The following NRDC variants were observed in gnomAD, a reference collection of about 807,000 sequenced individuals.
The protein encoded by NRDC is nardilysin.
In NRDC, 54 loss-of-function variants were observed where a neutral mutation model predicts 147.1. That is an observed-to-expected ratio of 0.37 (90% CI 0.29 to 0.46). The LOEUF is 0.46. NRDC is among the 20% of genes least tolerant of loss of function. The pLI, the probability that NRDC is intolerant of heterozygous loss-of-function variation, is 1.00. For synonymous variants in NRDC, 440 were observed against 482.1 expected, an observed-to-expected ratio of 0.91 and a Z score of 1.14; for missense variants, 1,082 against 1,370.6, an observed-to-expected ratio of 0.79 and a Z score of 3.33.
At chr1:51,864,575 T>C (rs1331993863) in intron 1 of NRDC, among the ~76,000 whole-genome samples, 1 of 152,124 alleles carries the variant, frequency 6.6e-6, no homozygotes, top group Non-Finnish European at 1.5e-5. Flanking sequence ...TTACAGAAAA[T>C]ATTTGGTGAT....
chr1:51,795,029 T>C (rs992999797), intron 22 of NRDC, 175 bp from the exon 23 acceptor site: 1 of 1,475,626 alleles, frequency 6.8e-7, no homozygotes, highest in Non-Finnish European at 9.0e-7. Flanking sequence ...AGATTGATTG[T>C]GTTTGTGGAA....
At chr1:51,792,310 G>C (rs960016013) in intron 25 of NRDC, 67 bp downstream of exon 25, 2 of 1,539,356 alleles carry the variant, frequency 1.3e-6, no homozygotes, top group African/African-American at 2.7e-5. Flanking sequence ...AACCCAGGCA[G>C]AAAAGGCCGG....
intron 2 of NRDC, among the ~76,000 whole-genome samples, chr1:51,839,628 A>G (rs905033683): frequency 2.0e-5 from 3 of 152,190 alleles, no homozygotes; most frequent in East Asian, 3.9e-4. Flanking sequence ...TGGTTGTTAC[A>G]TATTAAATAA....
Position 51,878,718 on chromosome 1 carries a change from G to T in NRDC, c.-103C>A. The stretch of plus-strand genomic sequence containing the variant: ...GCCCTGGTGCTGCCGCAGCCGCGGG[G>T]AACAGGCCTGAACCCCTCCCCCAAC... On this transcript the variant is annotated 5_prime_UTR_variant, in exon 1 of 31. Transcript: ENST00000352171. 1.1e-6 allele frequency: 1 copy of T among 950,414 alleles called. No individual in the cohort carries two copies. The highest frequency in any genetic ancestry group is 1.6e-6 in the Non-Finnish European group (1 of 642,506). The allele number at this position is 950,414 out of a possible 1,614,324, so 58.9% of individuals were successfully genotyped here. A position where few individuals can be genotyped will look rare whatever the true frequency, so the allele number is the denominator to read the frequency against.
In NRDC at chr1:51,789,882, A is replaced by T. The variant is rs1368673495; in HGVS notation, c.3169-225T>A. 6 of 556,742 alleles carry T rather than the reference A, an allele frequency of 1.1e-5. No individual in the cohort carries two copies. The East Asian group carries it at 1.8e-4, about 17-fold the overall frequency. 34.5% of individuals were successfully genotyped at this position (556,742 alleles called of 1,614,324 possible). A position where few individuals can be genotyped will look rare whatever the true frequency, so the allele number is the denominator to read the frequency against. Reference sequence around the variant, plus strand: ...CTACAATGGCAAGAGAGGTTAGCAGATGCTATAATTACAGCTAAATACCAT... The same window carrying T: ...CTACAATGGCAAGAGAGGTTAGCAGTTGCTATAATTACAGCTAAATACCAT... On this transcript the variant is annotated intron_variant, in intron 29 of 30. Transcript: ENST00000352171.
intron 1 of NRDC, among the ~76,000 whole-genome samples, chr1:51,864,818 G>A (rs1448317183): frequency 6.6e-6 from 1 of 151,884 alleles, no homozygotes; most frequent in African/African-American, 2.4e-5. Flanking sequence ...CAGGCGTGGT[G>A]GTGCATGCCT....
chr1:51,834,028 T>G lies in NRDC; in HGVS notation c.855A>C (p.Glu285Asp). 1 of 1,613,882 alleles carries G rather than the reference T, an allele frequency of 6.2e-7. No individual in the cohort carries two copies. Among genetic ancestry groups the G allele is most frequent in the Non-Finnish European group, 8.5e-7 (1 of 1,179,920 alleles). ...TTAGAGTTAGTTACCTATCAAGAGCTTCCTTGAAGTACTTCCTCTGGACAT... is the reference window on the plus strand; with the variant it reads ...TTAGAGTTAGTTACCTATCAAGAGCGTCCTTGAAGTACTTCCTCTGGACAT... ...QFDVQRKYFKEALDRWAQFFI... is the reference protein window; with the variant it reads ...QFDVQRKYFKDALDRWAQFFI... Residue 285 changes from glutamate to aspartate, a missense_variant, in exon 4 of 31, where the codon GAA (glutamate) becomes GAC (aspartate). Glu to Asp is a conservative substitution (Grantham distance 45, BLOSUM62 2). This residue lies in a region of NRDC where 635 missense variants were observed against 923.8 expected (regional missense o/e 0.69). Transcript: ENST00000352171.
rs1557913153 is a variant in NRDC, at chr1:51,824,121, T to TA, written c.1037-336_1037-335insT. On this transcript the variant is annotated intron_variant, in intron 6 of 30. Coordinates refer to ENST00000352171, the MANE Select transcript of NRDC (RefSeq NM_001101662.2). ...TATTTTAATAATATTTTTGCCTAAT[T>TA]CTTTTTTTTTTTTTTTTTTTAAAGA... Among the ~76,000 whole-genome samples the TA allele has an allele frequency of 2.0e-5, 3 of 150,216 alleles. No individual in the cohort carries two copies. In the East Asian group the frequency reaches 5.8e-4, roughly 29 times the overall value.
At chr1:51,857,766 C>G (rs72901934) in intron 1 of NRDC, among the ~76,000 whole-genome samples, 2,316 of 152,218 alleles carry the variant, frequency 0.015, 64 homozygotes, top group African/African-American at 0.053. Flanking sequence ...CAGGCAGAAA[C>G]TAGCAGAAAT....
intron 1 of NRDC, among the ~76,000 whole-genome samples, chr1:51,848,484 A>T (rs114279367): frequency 0.052 from 7,842 of 152,034 alleles, 277 homozygotes; most frequent in Middle Eastern, 0.2. Flanking sequence ...CCGTCTCAAA[A>T]AATAATAATA....
chr1:51,794,951 G>T, intron 22 of NRDC, 97 bp from the exon 23 acceptor site: 1 of 1,582,404 alleles, frequency 6.3e-7, no homozygotes, highest in Non-Finnish European at 8.6e-7. Context: ...GGGGAGCCCT[G>T]CATAGCTTTA....
intron 1 of NRDC, among the ~76,000 whole-genome samples, chr1:51,856,285 C>T (rs1047891919): frequency 3.9e-5 from 6 of 152,218 alleles, no homozygotes; most frequent in South Asian, 2.1e-4. Context: ...GCAATTAATT[C>T]TTCAGTGGAC....
At chr1:51,819,726 T>C (rs1680129338) in intron 9 of NRDC, 74 bp downstream of exon 9, 32 of 1,163,818 alleles carry the variant, frequency 2.7e-5, no homozygotes, top group Non-Finnish European at 3.8e-5. Context: ...TCAATGAAAA[T>C]TGGCAGCTTC....
At chr1:51,793,226 T>C (rs1461317642) in intron 24 of NRDC, among the ~76,000 whole-genome samples, 2 of 152,350 alleles carry the variant, frequency 1.3e-5, no homozygotes, top group East Asian at 3.9e-4. Context: ...AGGTGACTGA[T>C]GGAAAGCATT....
intron 1 of NRDC, among the ~76,000 whole-genome samples, chr1:51,873,891 G>A (rs1683201985): frequency 6.6e-6 from 1 of 151,530 alleles, no homozygotes; most frequent in African/African-American, 2.4e-5. Flanking sequence ...CCCTTCAGAA[G>A]TTTATATGCC....
At chr1:51,789,956 T>C in intron 29 of NRDC, 1 of 383,172 alleles carries the variant, frequency 2.6e-6, no homozygotes, top group Non-Finnish European at 4.8e-6. Context: ...CCCAATTACA[T>C]GGTAGCTGCA....
intron 5 of NRDC, 124 bp from the exon 6 acceptor site, chr1:51,825,506 T>C (rs1472811067): frequency 5.4e-6 from 4 of 737,108 alleles, no homozygotes; most frequent in South Asian, 1.7e-5. Context: ...TCACGTGTTA[T>C]AAGACTGAAG....
chr1:51,791,957 A>G (rs1049421183), intron 26 of NRDC, 89 bp downstream of exon 26: 1 of 1,345,194 alleles, frequency 7.4e-7, no homozygotes, highest in Non-Finnish European at 1.1e-6. Context: ...AAGCTCTAAC[A>G]GGCTGCTCAG....
At chr1:51,836,322 A>C in intron 2 of NRDC, 110 bp from the exon 3 acceptor site, 1 of 1,598,866 alleles carries the variant, frequency 6.3e-7, no homozygotes, top group Non-Finnish European at 8.6e-7. Context: ...TAGGAGTAAC[A>C]AAATTCTTTC....
Sources: allele counts gnomAD v4.1 joint callset (sites outside exome capture counted in the v4.1 genomes callset), GRCh38; gene constraint gnomAD v4.1.1; regional missense constraint gnomAD v4.1.1; transcripts MANE v1.5; gene names NCBI Gene and HGNC (gene_info 2026-07-23, HGNC 2026-07-21).